The following SLC39A8 variants were observed in gnomAD, a reference collection of about 807,000 sequenced individuals.
SLC39A8 encodes the protein metal cation symporter ZIP8.
SLC39A8 carries 15 observed loss-of-function variants against 40.4 expected under a neutral mutation model. The ratio of observed to expected loss-of-function variants is 0.37; its 90% confidence interval spans 0.25 to 0.57. The LOEUF (loss-of-function observed/expected upper bound fraction) is 0.57, where lower values mean the gene tolerates loss of function less well. Among genes scored for constraint, SLC39A8 ranks in the 20% least tolerant of loss-of-function variants. SLC39A8 has a pLI of 0.75. For synonymous variants in SLC39A8, 223 were observed against 221.6 expected (o/e 1.01, Z -0.06); for missense variants, 472 against 558.8 (o/e 0.84, Z 1.57).
chr4:102,273,905 T>A (rs923442866), intron 6 of SLC39A8, among the ~76,000 whole-genome samples: 5 of 151,722 alleles, frequency 3.3e-5, no homozygotes, highest in Admixed American at 2.0e-4. Flanking sequence ...AGCATCAACA[T>A]CAACAAAAAG....
chr4:102,329,809 A>G (rs1735370908), intron 2 of SLC39A8, among the ~76,000 whole-genome samples: 1 of 152,260 alleles, frequency 6.6e-6, no homozygotes, highest in South Asian at 2.1e-4. Context: ...ATGCAAAAGA[A>G]TGGTAATCAT....
intron 7 of SLC39A8, 77 bp downstream of exon 7, chr4:102,267,792 AGAG>A (rs1180185981): frequency 6.5e-5 from 101 of 1,560,648 alleles, no homozygotes; most frequent in Non-Finnish European, 8.3e-5. Flanking sequence ...AAGGATTTTA[AGAG>A]CATGTCACCT....
chr4:102,341,731 T>C (rs1735955165), intron 2 of SLC39A8, among the ~76,000 whole-genome samples: 1 of 152,226 alleles, frequency 6.6e-6, no homozygotes, highest in Non-Finnish European at 1.5e-5. Context: ...GCTAATTTAG[T>C]AGTCCTTACT....
At position 102,344,863 on chromosome 4, in the gene SLC39A8, G is replaced by T. The variant is rs958832642; in HGVS notation, c.-201C>A. 1.1e-5 allele frequency: 15 copies of T among 1,310,854 alleles called. 1 individual carries two copies. The Admixed American group carries it at 2.5e-4, about 22-fold the overall frequency. The allele number at this position is 1,310,854 out of a possible 1,614,324, so 81.2% of individuals were successfully genotyped here. ...CGACCTGCGGGGCATTGAAGTGGCA[G>T]CGTAGCCGAGGGGAGCGATAGGCGG... On this transcript the variant is annotated 5_prime_UTR_variant, in exon 2 of 9. The change creates a new upstream start codon in the 5' untranslated region. Coordinates refer to ENST00000356736, the MANE Select transcript of SLC39A8 (RefSeq NM_001135146.2).
chr4:102,259,558 T>G (rs578077100), downstream of SLC39A8: 19 of 1,388,660 alleles, frequency 1.4e-5, no homozygotes, highest in Admixed American at 6.0e-5. Context: ...GGGAGAGATA[T>G]AAATAGGAAA....
intron 6 of SLC39A8, among the ~76,000 whole-genome samples, chr4:102,294,819 T>C (rs1733612330): frequency 6.6e-6 from 1 of 152,146 alleles, no homozygotes; most frequent in South Asian, 2.1e-4. Context: ...AGTAAACTTA[T>C]GACCAAAACG....
At position 102,255,952 on chromosome 4, in the gene SLC39A8, C is replaced by T. The variant is rs57400140; in HGVS notation, c.*299-2522G>A. 7.2e-3 allele frequency among the ~76,000 whole-genome samples: 1,099 copies of T among 152,268 alleles called. 14 individuals carry two copies. Among genetic ancestry groups the T allele is most frequent in the African/African-American group, 0.025 (1,037 of 41,552 alleles). ...CTCACGTGCATCCTTCTACGAAATGCTTAGACATGAATTCTGAGGCTTACT... is the reference window on the plus strand; with the variant it reads ...CTCACGTGCATCCTTCTACGAAATGTTTAGACATGAATTCTGAGGCTTACT... On this transcript the variant is annotated intron_variant and NMD_transcript_variant, in intron 11 of 11. Transcript: ENST00000424970.
chr4:102,275,532 G>A (rs1199479505), intron 6 of SLC39A8, among the ~76,000 whole-genome samples: 6 of 152,050 alleles, frequency 3.9e-5, no homozygotes, highest in Admixed American at 2.0e-4. Flanking sequence ...CACAATAATA[G>A]TGGGAGAATT....
At chr4:102,306,726 C>G (rs1286775727) in intron 4 of SLC39A8, among the ~76,000 whole-genome samples, 5 of 151,956 alleles carry the variant, frequency 3.3e-5, no homozygotes, top group Non-Finnish European at 7.4e-5. Flanking sequence ...ATGAAAGTCT[C>G]TTTCTCCTTT....
At chr4:102,327,935 G>A (rs1318478673) in intron 2 of SLC39A8, among the ~76,000 whole-genome samples, 2 of 152,142 alleles carry the variant, frequency 1.3e-5, no homozygotes, top group African/African-American at 4.8e-5. Context: ...CCTAGAATCA[G>A]TTTAATGTGG....
downstream of SLC39A8, among the ~76,000 whole-genome samples, chr4:102,258,251 T>C (rs537258804): frequency 6.6e-6 from 1 of 151,940 alleles, no homozygotes; most frequent in Non-Finnish European, 1.5e-5. Flanking sequence ...ACTACAGGTG[T>C]GTGTAAGTAC....
chr4:102,267,722 T>G, intron 7 of SLC39A8, 48 bp from the exon 8 acceptor site: 1 of 1,549,020 alleles, frequency 6.5e-7, no homozygotes, highest in Non-Finnish European at 8.7e-7. Context: ...TTTTTTTATT[T>G]CTGGATGATA....
intron 6 of SLC39A8, among the ~76,000 whole-genome samples, chr4:102,271,062 T>G (rs1732342870): frequency 1.3e-5 from 2 of 148,594 alleles, no homozygotes; most frequent in Non-Finnish European, 3.0e-5. Context: ...ATAAGGAGGA[T>G]GAGAAGGAGG....
At chr4:102,264,502 C>G (rs1020086955) in intron 8 of SLC39A8, among the ~76,000 whole-genome samples, 1 of 152,088 alleles carries the variant, frequency 6.6e-6, no homozygotes, top group Non-Finnish European at 1.5e-5. Flanking sequence ...TCCTAAGGGC[C>G]CTAGGATTTG....
chr4:102,326,032 C>T (rs1348096468), intron 2 of SLC39A8, among the ~76,000 whole-genome samples: 1 of 152,170 alleles, frequency 6.6e-6, no homozygotes, highest in African/African-American at 2.4e-5. Context: ...TGTCAGAGCA[C>T]AGACACCCAA....
At position 102,272,277 on chromosome 4, in the gene SLC39A8, C is replaced by G. The variant is rs1732395561; in HGVS notation, c.841-4198G>C. 7.2e-5 allele frequency among the ~76,000 whole-genome samples: 11 copies of G among 151,846 alleles called. No individual in the cohort carries two copies. In the South Asian group the frequency reaches 2.3e-3, roughly 32 times the overall value. On this transcript the variant is annotated intron_variant, in intron 6 of 8. Coordinates refer to ENST00000356736, the MANE Select transcript of SLC39A8 (RefSeq NM_001135146.2). Reference sequence around the variant, plus strand: ...TGAAACCCCGTCTCTACTAAAAATACTAATAAAAAAAATTAGCTGGGAGTG... The same window carrying G: ...TGAAACCCCGTCTCTACTAAAAATAGTAATAAAAAAAATTAGCTGGGAGTG...
At chr4:102,251,260 A>C (rs1252933900) in exon 12 of SLC39A8, 4 of 152,166 alleles carry the variant, frequency 2.6e-5, no homozygotes, top group Non-Finnish European at 4.4e-5. Context: ...ATAATATATT[A>C]TTGTTAGCTA....
chr4:102,344,639 G>A lies in SLC39A8; in HGVS notation c.24C>T (p.Ala8=), dbSNP rs947983803. 3.9e-6 allele frequency: 6 copies of A among 1,537,166 alleles called. No homozygotes were observed. In the African/African-American group the frequency reaches 4.2e-5, roughly 11 times the overall value. ...CGGCGGCCGCCAGCAACAGGAGCCC[G>A]GCCACCGCGCGACCCGGGGCCATCC... MAPGRAV[A]GLLLLAAAGL... The change falls in exon 2 of 9, where the codon GCC becomes GCT. Residue 8 remains alanine, a synonymous_variant. Coordinates refer to ENST00000356736, the MANE Select transcript of SLC39A8 (RefSeq NM_001135146.2).
intron 6 of SLC39A8, among the ~76,000 whole-genome samples, chr4:102,299,481 A>T (rs1259588408): frequency 1.3e-5 from 2 of 152,040 alleles, no homozygotes; most frequent in Non-Finnish European, 2.9e-5. Flanking sequence ...GCCAGCACTT[A>T]GAATAATGCC....
Sources: gnomAD v4.1 joint callset for allele counts (sites outside exome capture counted in the v4.1 genomes callset) on GRCh38, gnomAD v4.1.1 for gene constraint, MANE v1.5 for transcripts, NCBI Gene and HGNC (gene_info 2026-07-23, HGNC 2026-07-21) for gene names.